The following KCNT2 variants were observed in gnomAD, a reference collection of about 807,000 sequenced individuals.
KCNT2 encodes the protein potassium sodium-activated channel subfamily T member 2, also known as potassium channel subfamily T member 2.
Under a neutral mutation model 153.8 loss-of-function variants are expected in KCNT2, and 67 were observed. That is an observed-to-expected ratio of 0.44 (90% confidence interval 0.36 to 0.53). KCNT2 has a LOEUF of 0.53. KCNT2 is among the 20% of genes least tolerant of loss of function. KCNT2 has a pLI of 0.00. For synonymous variants in KCNT2, 500 were observed against 458.8 expected (o/e 1.09, Z -1.15); for missense variants, 975 against 1,354.8 (o/e 0.72, Z 4.40).
intron 14 of KCNT2, among the ~76,000 whole-genome samples, chr1:196,364,766 G>A (rs957804589): frequency 3.9e-5 from 6 of 152,026 alleles, no homozygotes; most frequent in Non-Finnish European, 8.8e-5. Flanking sequence ...AACAGCTAAT[G>A]TTTATAAGAA....
chr1:196,547,951 T>C (rs1657338922), intron 1 of KCNT2, among the ~76,000 whole-genome samples: 1 of 151,824 alleles, frequency 6.6e-6, no homozygotes, highest in Non-Finnish European at 1.5e-5. Flanking sequence ...AATTCTGATC[T>C]GGTACGTCTA....
chr1:196,408,232 C>T (rs144453333), intron 12 of KCNT2, among the ~76,000 whole-genome samples: 8,730 of 151,450 alleles, frequency 0.058, 391 homozygotes, highest in Non-Finnish European at 0.085. Context: ...TTAAAATGGA[C>T]GAAAGTTTTA....
intron 8 of KCNT2, among the ~76,000 whole-genome samples, chr1:196,434,498 G>A (rs1674443852): frequency 6.6e-6 from 1 of 151,962 alleles, no homozygotes; most frequent in Non-Finnish European, 1.5e-5. Flanking sequence ...CATAAGGGCA[G>A]TATTCATATT....
intron 7 of KCNT2, among the ~76,000 whole-genome samples, chr1:196,467,037 C>T (rs1677680382): frequency 1.3e-5 from 2 of 152,146 alleles, no homozygotes; most frequent in African/African-American, 4.8e-5. Flanking sequence ...AAATGAGGGG[C>T]TTCTGGCTCC....
intron 16 of KCNT2, among the ~76,000 whole-genome samples, chr1:196,339,520 CAGAGAGAGAG>C (rs5779831): frequency 1.4e-4 from 19 of 138,012 alleles, no homozygotes; most frequent in South Asian, 2.3e-4. Context: ...CACACACACA[CAGAGAGAGAG>C]AGAGAGAGAG....
intron 14 of KCNT2, among the ~76,000 whole-genome samples, chr1:196,354,936 T>C (rs1320506374): frequency 2.0e-5 from 3 of 151,776 alleles, no homozygotes; most frequent in Non-Finnish European, 4.4e-5. Context: ...ATTTTGCTTT[T>C]ACTATCAATG....
At chr1:196,608,149 C>T in intron 1 of KCNT2, 66 bp downstream of exon 1, 2 of 1,417,324 alleles carry the variant, frequency 1.4e-6, no homozygotes, top group Non-Finnish European at 1.0e-6. Flanking sequence ...TTCCCCACTT[C>T]GGCCCTCCCA....
chr1:196,246,723 T>G (rs1655480705), intron 26 of KCNT2, among the ~76,000 whole-genome samples: 1 of 152,074 alleles, frequency 6.6e-6, no homozygotes, highest in Admixed American at 6.6e-5. Flanking sequence ...TAAAATGGGT[T>G]GTAAGATATT....
chr1:196,403,618 G>A (rs1318841844), intron 12 of KCNT2, among the ~76,000 whole-genome samples: 1 of 151,404 alleles, frequency 6.6e-6, no homozygotes, highest in Non-Finnish European at 1.5e-5. Flanking sequence ...AATAATGGAA[G>A]ATGTTAAAAA....
At chr1:196,260,648 C>A (rs918621764) in intron 25 of KCNT2, among the ~76,000 whole-genome samples, 3 of 151,732 alleles carry the variant, frequency 2.0e-5, no homozygotes, top group Admixed American at 1.3e-4. Flanking sequence ...AATCCAAACC[C>A]AAAACACATC....
intron 25 of KCNT2, among the ~76,000 whole-genome samples, chr1:196,274,802 T>C (rs1658401561): frequency 6.6e-6 from 1 of 151,840 alleles, no homozygotes; most frequent in South Asian, 2.1e-4. Context: ...CCTAGTAAAA[T>C]GTTCACTGGT....
intron 1 of KCNT2, among the ~76,000 whole-genome samples, chr1:196,605,903 G>A (rs975694600): frequency 6.6e-6 from 1 of 152,130 alleles, no homozygotes; most frequent in Admixed American, 6.5e-5. Context: ...AATAAATTAA[G>A]TGAAAAGAAC....
At chr1:196,438,849 A>G (rs1462289516) in intron 8 of KCNT2, among the ~76,000 whole-genome samples, 1 of 151,858 alleles carries the variant, frequency 6.6e-6, no homozygotes, top group Non-Finnish European at 1.5e-5. Flanking sequence ...TAAGACCTAA[A>G]TTTTAAAATA....
intron 14 of KCNT2, among the ~76,000 whole-genome samples, chr1:196,345,836 T>A (rs1006635635): frequency 2.0e-5 from 3 of 152,000 alleles, no homozygotes; most frequent in African/African-American, 7.2e-5. Context: ...AACAAACAAA[T>A]AAATATACAT....
Position 196,226,320 on chromosome 1 carries a change from TA to T in KCNT2, c.*1903del, listed in dbSNP as rs1653486994. 1.3e-5 allele frequency: 2 copies of T among 152,008 alleles called. No individual in the cohort carries two copies. The highest frequency in any genetic ancestry group is 2.9e-5 in the Non-Finnish European group (2 of 67,872). The allele number at this position is 152,008 out of a possible 1,614,324, so 9.4% of individuals were successfully genotyped here. On this transcript the variant is annotated 3_prime_UTR_variant, in exon 28 of 28. Coordinates refer to ENST00000294725, the MANE Select transcript of KCNT2 (RefSeq NM_198503.5). ...GATATGCAAATATAAAACAAGTTCATAAAATTTATTGTTTTTCTCTGTTACA... is the reference window on the plus strand; with the variant it reads ...GATATGCAAATATAAAACAAGTTCATAAATTTATTGTTTTTCTCTGTTACA...
intron 1 of KCNT2, among the ~76,000 whole-genome samples, chr1:196,508,583 C>G (rs1342454906): frequency 1.3e-5 from 2 of 151,960 alleles, no homozygotes; most frequent in African/African-American, 2.4e-5. Flanking sequence ...ATTAAGAATA[C>G]AAAAAGAAGT....
In KCNT2 at chr1:196,538,542, A is replaced by T. The variant is rs567533346; in HGVS notation, c.96-46201T>A. Among the ~76,000 whole-genome samples the T allele has an allele frequency of 5.3e-5, 8 of 152,312 alleles. No individual in the cohort carries two copies. The South Asian group carries it at 1.7e-3, about 32-fold the overall frequency. On this transcript the variant is annotated intron_variant, in intron 1 of 27. Transcript: ENST00000294725. ...TATGTACAGCATTAGCAGTGTAATT[A>T]TACTTTTTACAGACAATAGTGGCTA...
intron 17 of KCNT2, among the ~76,000 whole-genome samples, chr1:196,332,040 A>G (rs1462437168): frequency 6.6e-6 from 1 of 152,192 alleles, no homozygotes; most frequent in African/African-American, 2.4e-5. Context: ...TAGTGAAAAT[A>G]ATATTCCTTT....
intron 1 of KCNT2, among the ~76,000 whole-genome samples, chr1:196,578,591 A>G (rs887627977): frequency 3.3e-5 from 5 of 152,200 alleles, no homozygotes; most frequent in African/African-American, 1.2e-4. Context: ...TGCAGGGGCT[A>G]TGTTAAAGTC....
Sources: allele counts gnomAD v4.1 joint callset (sites outside exome capture counted in the v4.1 genomes callset), GRCh38; gene constraint gnomAD v4.1.1; transcripts MANE v1.5; gene names NCBI Gene and HGNC (gene_info 2026-07-23, HGNC 2026-07-21).